The following RNF125 variants were observed in gnomAD, a reference collection of about 807,000 sequenced individuals.
RNF125 encodes the protein E3 ubiquitin-protein ligase RNF125.
Under a neutral mutation model 26.0 loss-of-function variants are expected in RNF125, and 21 were observed. The observed-to-expected ratio is 0.81, with a 90% CI of 0.57 to 1.16. The LOEUF is 1.16. Among genes scored for constraint, RNF125 ranks in the 50% most tolerant of loss-of-function variants. The probability of loss-of-function intolerance (pLI) is 0.00; values close to 1 mark genes in which losing one functional copy is unlikely to be tolerated. For synonymous variants in RNF125, 95 were observed against 109.2 expected (o/e 0.87, Z 0.81); for missense variants, 270 against 299.4 (o/e 0.90, Z 0.72).
At chr18:32,066,431 C>A (rs2039486191) in intron 5 of RNF125, among the ~76,000 whole-genome samples, 1 of 151,782 alleles carries the variant, frequency 6.6e-6, no homozygotes, top group African/African-American at 2.4e-5. Context: ...TCCACTCCAG[C>A]CTGGGCAACA....
chr18:32,046,214 CAAAAAAAAAAAAAA>C (rs768054716), intron 4 of RNF125, among the ~76,000 whole-genome samples: 1 of 76,176 alleles, frequency 1.3e-5, no homozygotes, highest in Non-Finnish European at 2.3e-5. Context: ...AAGACTGTCT[CAAAAAAAAAAAAAA>C]AAAAAAAAAG....
At chr18:32,038,006 A>G (rs528964581) in intron 2 of RNF125, among the ~76,000 whole-genome samples, 6 of 151,238 alleles carry the variant, frequency 4.0e-5, no homozygotes, top group African/African-American at 1.5e-4. Context: ...GCTCTTCACA[A>G]GAAACCTTGC....
chr18:32,023,886 A>G (rs774317340), intron 1 of RNF125, among the ~76,000 whole-genome samples: 6 of 152,160 alleles, frequency 3.9e-5, no homozygotes, highest in Non-Finnish European at 7.3e-5. Flanking sequence ...GTGAGACCCC[A>G]TCTCTACTAC....
chr18:32,033,461 G>C (rs762442134), intron 1 of RNF125, among the ~76,000 whole-genome samples: 11 of 151,912 alleles, frequency 7.2e-5, no homozygotes, highest in Non-Finnish European at 8.8e-5. Context: ...GGAGGTGGAG[G>C]TTGCAGTGAG....
At chr18:32,090,027 C>T in the RNF125 span, among the ~76,000 whole-genome samples, 1 of 152,208 alleles carries the variant, frequency 6.6e-6, no homozygotes, top group African/African-American at 2.4e-5. Flanking sequence ...GGGCGGATCG[C>T]TGGAGGCCAG....
chr18:32,058,369 G>C (rs1420440017), intron 4 of RNF125, among the ~76,000 whole-genome samples: 6 of 150,888 alleles, frequency 4.0e-5, no homozygotes, highest in Admixed American at 3.3e-4. Context: ...TTTTTGAGAG[G>C]GAGTCTCGTT....
the RNF125 span, among the ~76,000 whole-genome samples, chr18:32,080,491 C>T: frequency 6.6e-6 from 1 of 152,274 alleles, no homozygotes; most frequent in East Asian, 1.9e-4. Context: ...TTGAGGCATG[C>T]TGGTTTTAAA....
rs1376808245 is a variant in RNF125, at chr18:32,072,272, A to G, written c.*3888A>G. ...TTGGGAAACGAGAAAAAGGAGAGGA[A>G]TTTTTCAGGAATAATCATAAAAAGA... On this transcript the variant is annotated 3_prime_UTR_variant, in exon 6 of 6. Transcript: ENST00000217740. 3 of 152,182 alleles carry G rather than the reference A, an allele frequency of 2.0e-5. No individual in the cohort carries two copies. Among genetic ancestry groups the G allele is most frequent in the African/African-American group, 7.2e-5 (3 of 41,454 alleles). 9.4% of individuals were successfully genotyped at this position (152,182 alleles called of 1,614,324 possible).
At chr18:32,032,701 C>T (rs545025909) in intron 1 of RNF125, among the ~76,000 whole-genome samples, 28 of 152,106 alleles carry the variant, frequency 1.8e-4, no homozygotes, top group African/African-American at 6.5e-4. Flanking sequence ...ACTTTAAAAC[C>T]CAGTGGAGGG....
chr18:32,025,432 G>A (rs2039023493), intron 1 of RNF125, among the ~76,000 whole-genome samples: 1 of 151,778 alleles, frequency 6.6e-6, no homozygotes, highest in African/African-American at 2.4e-5. Flanking sequence ...GGGAGGCTGA[G>A]GTGGGGGGAT....
At chr18:32,049,830 A>G (rs2039306641) in intron 4 of RNF125, among the ~76,000 whole-genome samples, 1 of 152,268 alleles carries the variant, frequency 6.6e-6, no homozygotes, top group South Asian at 2.1e-4. Flanking sequence ...ATCTAGAGCC[A>G]CTAGAAGTCA....
intron 1 of RNF125, among the ~76,000 whole-genome samples, chr18:32,024,266 G>C (rs1381603915): frequency 1.0e-5 from 1 of 96,380 alleles, no homozygotes; most frequent in Non-Finnish European, 2.0e-5. Flanking sequence ...GCAGTGGCAT[G>C]ATCTTGGCTC....
At chr18:32,056,001 A>AAAC (rs2039378537) in intron 4 of RNF125, among the ~76,000 whole-genome samples, 1 of 141,102 alleles carries the variant, frequency 7.1e-6, no homozygotes, top group East Asian at 2.0e-4. Context: ...AAAAAAAAAA[A>AAAC]AGAACATTTA....
intron 4 of RNF125, among the ~76,000 whole-genome samples, chr18:32,057,829 C>A (rs2039400021): frequency 6.6e-6 from 1 of 152,062 alleles, no homozygotes; most frequent in Non-Finnish European, 1.5e-5. Context: ...CCTGTTTAAA[C>A]ATAGATTGCT....
downstream of RNF125, among the ~76,000 whole-genome samples, chr18:32,074,995 T>G (rs995094830): frequency 6.6e-6 from 1 of 152,230 alleles, no homozygotes; most frequent in African/African-American, 2.4e-5. Context: ...ATGTTCTCTG[T>G]CCCTTACAAC....
At position 32,068,491 on chromosome 18, in the gene RNF125, C is replaced by T; in HGVS notation, c.*107C>T. ...ATGATTGATGGGCAAAAATGTACAA[C>T]ACAGTTATGTGTTTGTCCATGTTTA... On this transcript the variant is annotated 3_prime_UTR_variant, in exon 6 of 6. Transcript: ENST00000217740. 1.4e-6 allele frequency: 1 copy of T among 706,740 alleles called. No individual in the cohort carries two copies. 43.8% of individuals were successfully genotyped at this position (706,740 alleles called of 1,614,324 possible).
chr18:32,053,345 A>G (rs1356349769), intron 4 of RNF125, among the ~76,000 whole-genome samples: 1 of 151,134 alleles, frequency 6.6e-6, no homozygotes, highest in African/African-American at 2.4e-5. Flanking sequence ...CTGGGCAACA[A>G]GAGTGAAACT....
At chr18:32,036,969 T>G in intron 1 of RNF125, 147 bp from the exon 2 acceptor site, 1 of 643,520 alleles carries the variant, frequency 1.6e-6, no homozygotes, top group Non-Finnish European at 2.7e-6. Flanking sequence ...TCTCGGGAAG[T>G]GCAGGGTGCA....
At chr18:32,025,434 T>TG (rs1172360552) in intron 1 of RNF125, among the ~76,000 whole-genome samples, 3 of 151,480 alleles carry the variant, frequency 2.0e-5, no homozygotes, top group Admixed American at 6.6e-5. Context: ...GAGGCTGAGG[T>TG]GGGGGGATCA....
Sources: gnomAD v4.1 joint callset for allele counts (sites outside exome capture counted in the v4.1 genomes callset) on GRCh38, gnomAD v4.1.1 for gene constraint, MANE v1.5 for transcripts, NCBI Gene and HGNC (gene_info 2026-07-23, HGNC 2026-07-21) for gene names.